ZBBX: variants seen among roughly 807,000 people sequenced by gnomAD.
ZBBX encodes zinc finger B-box domain-containing protein 1.
In ZBBX, 101 loss-of-function variants were observed where a neutral mutation model predicts 108.5. That is an observed-to-expected ratio of 0.93 (90% confidence interval 0.79 to 1.10). The LOEUF is 1.10. Ranked by LOEUF, ZBBX falls within the 50% of genes least tolerant of loss-of-function variation. The pLI is 0.00. For missense variants in ZBBX, 1,009 were observed against 941.4 expected, an observed-to-expected ratio of 1.07 and a Z score of -0.94; for synonymous variants, 356 against 323.4, an observed-to-expected ratio of 1.10 and a Z score of -1.08.
chr3:167,247,298 T>C (rs1721740342), intron 20 of ZBBX, among the ~76,000 whole-genome samples: 1 of 152,138 alleles, frequency 6.6e-6, no homozygotes, highest in Non-Finnish European at 1.5e-5. Context: ...TCTGGCACAC[T>C]GGCAGCCCAT....
intron 8 of ZBBX, among the ~76,000 whole-genome samples, chr3:167,357,690 T>A (rs1471697612): frequency 1.3e-5 from 2 of 152,058 alleles, no homozygotes; most frequent in Non-Finnish European, 2.9e-5. Context: ...AATAAAGAAA[T>A]TCTATAAATC....
the ZBBX span, among the ~76,000 whole-genome samples, chr3:167,222,585 T>C: frequency 6.6e-6 from 1 of 151,958 alleles, no homozygotes; most frequent in Non-Finnish European, 1.5e-5. Context: ...ATATTGTTTG[T>C]AACACCGAGG....
intron 9 of ZBBX, among the ~76,000 whole-genome samples, chr3:167,345,428 C>G (rs1238625718): frequency 6.6e-6 from 1 of 151,796 alleles, no homozygotes. Context: ...TATGACAATA[C>G]TCAATTGTTC....
At chr3:167,407,203 T>G (rs1456656309) in intron 1 of ZBBX, among the ~76,000 whole-genome samples, 1 of 152,162 alleles carries the variant, frequency 6.6e-6, no homozygotes, top group Non-Finnish European at 1.5e-5. Flanking sequence ...CATTTTAAAT[T>G]TATCTAACAA....
the ZBBX span, among the ~76,000 whole-genome samples, chr3:167,215,167 A>G: frequency 6.6e-6 from 1 of 152,138 alleles, no homozygotes; most frequent in Non-Finnish European, 1.5e-5. Flanking sequence ...AGACATGAAA[A>G]GTAATTCAAA....
At chr3:167,297,453 C>T (rs1335253459) in intron 18 of ZBBX, among the ~76,000 whole-genome samples, 1 of 151,836 alleles carries the variant, frequency 6.6e-6, no homozygotes, top group African/African-American at 2.4e-5. Flanking sequence ...AGTATAGGCC[C>T]AGGACATTGG....
chr3:167,319,852 A>T (rs1037661241), intron 12 of ZBBX, among the ~76,000 whole-genome samples: 1 of 152,030 alleles, frequency 6.6e-6, no homozygotes, highest in Non-Finnish European at 1.5e-5. Flanking sequence ...ACTGTAAGTG[A>T]AAGAAATTTG....
the ZBBX span, among the ~76,000 whole-genome samples, chr3:167,189,523 A>T: frequency 6.6e-6 from 1 of 152,240 alleles, no homozygotes; most frequent in Non-Finnish European, 1.5e-5. Context: ...ACATCCACAC[A>T]CACCAGATTC....
intron 18 of ZBBX, among the ~76,000 whole-genome samples, chr3:167,294,401 T>C (rs934210753): frequency 2.6e-5 from 4 of 151,982 alleles, no homozygotes; most frequent in Admixed American, 1.3e-4. Flanking sequence ...CACACATCTA[T>C]AGCCATCTGA....
the ZBBX span, among the ~76,000 whole-genome samples, chr3:167,233,726 C>G: frequency 9.3e-5 from 14 of 150,266 alleles, no homozygotes; most frequent in South Asian, 2.9e-3. Context: ...AGACAGCTAT[C>G]TAAATTTGGG....
chr3:167,329,359 T>A (rs1264196506), intron 10 of ZBBX, among the ~76,000 whole-genome samples: 1 of 152,158 alleles, frequency 6.6e-6, no homozygotes, highest in Non-Finnish European at 1.5e-5. Context: ...AGCCCGCAAT[T>A]GAAAAATAAA....
intron 16 of ZBBX, among the ~76,000 whole-genome samples, chr3:167,312,272 G>C (rs919049614): frequency 6.6e-6 from 1 of 152,184 alleles, no homozygotes. Context: ...GTTGCCAGGA[G>C]TTGGTCAGAG....
intron 20 of ZBBX, among the ~76,000 whole-genome samples, chr3:167,276,162 G>A (rs2108496997): frequency 6.6e-6 from 1 of 152,274 alleles, no homozygotes; most frequent in East Asian, 1.9e-4. Flanking sequence ...AGAAAAATTG[G>A]AAACTCTAAA....
At chr3:167,353,861 CA>C (rs1743075064) in intron 8 of ZBBX, among the ~76,000 whole-genome samples, 1 of 151,858 alleles carries the variant, frequency 6.6e-6, no homozygotes, top group South Asian at 2.1e-4. Context: ...CCATGTGGCT[CA>C]AAGCTTAAAC....
intron 20 of ZBBX, among the ~76,000 whole-genome samples, chr3:167,254,490 A>C (rs749818777): frequency 6.6e-6 from 1 of 152,220 alleles, no homozygotes; most frequent in African/African-American, 2.4e-5. Context: ...AGTGATAAAG[A>C]GTACACTATA....
At chr3:167,348,595 G>T (rs1427553716) in intron 9 of ZBBX, among the ~76,000 whole-genome samples, 2 of 151,958 alleles carry the variant, frequency 1.3e-5, no homozygotes, top group African/African-American at 4.8e-5. Context: ...ATCAAATTAT[G>T]CACCTTAATT....
intron 17 of ZBBX, among the ~76,000 whole-genome samples, 160 bp downstream of exon 17, chr3:167,305,483 T>C (rs1733470137): frequency 6.6e-6 from 1 of 152,102 alleles, no homozygotes; most frequent in Non-Finnish European, 1.5e-5. Context: ...CCATTAATGT[T>C]CTCTCCCGTA....
chr3:167,195,865 A>C, the ZBBX span, among the ~76,000 whole-genome samples: 1 of 152,336 alleles, frequency 6.6e-6, no homozygotes, highest in South Asian at 2.1e-4. Context: ...CAGAAACCCA[A>C]GTCTTCACTT....
chr3:167,376,384 T>C (rs1746958690), intron 2 of ZBBX, among the ~76,000 whole-genome samples: 1 of 152,182 alleles, frequency 6.6e-6, no homozygotes, highest in African/African-American at 2.4e-5. Context: ...GGAATCCAAA[T>C]ACTGGCCTCT....
Sources: gnomAD v4.1 joint callset for allele counts (sites outside exome capture counted in the v4.1 genomes callset) on GRCh38, gnomAD v4.1.1 for gene constraint, MANE v1.5 for transcripts, NCBI Gene and HGNC (gene_info 2026-07-23, HGNC 2026-07-21) for gene names.